Variants in WIPF2 observed in about 807,000 individuals in gnomAD.
WIPF2 encodes the protein WAS/WASL-interacting protein family member 2.
Under a neutral mutation model 38.8 loss-of-function variants are expected in WIPF2, and 23 were observed. The observed-to-expected ratio is 0.59, with a 90% CI of 0.43 to 0.84. WIPF2 has a LOEUF of 0.84. Among genes scored for constraint, WIPF2 ranks in the 40% least tolerant of loss-of-function variants. WIPF2 has a pLI of 0.00. For missense variants in WIPF2, 574 were observed against 580.5 expected (o/e 0.99, Z 0.11); for synonymous variants, 210 against 223.2 (o/e 0.94, Z 0.53).
intron 1 of WIPF2, among the ~76,000 whole-genome samples, chr17:40,254,461 G>A (rs949163512): frequency 4.6e-5 from 7 of 152,000 alleles, no homozygotes; most frequent in African/African-American, 1.7e-4. Context: ...TTTGGGGGGA[G>A]GGGGTCAAAA....
chr17:40,233,757 C>T (rs1448902665), intron 1 of WIPF2, among the ~76,000 whole-genome samples: 7 of 150,562 alleles, frequency 4.6e-5, no homozygotes, highest in Non-Finnish European at 7.4e-5. Flanking sequence ...GGTGAAACCC[C>T]GTCTCTACTA....
intron 1 of WIPF2, among the ~76,000 whole-genome samples, chr17:40,240,840 G>C (rs2031164147): frequency 6.6e-6 from 1 of 151,480 alleles, no homozygotes; most frequent in Non-Finnish European, 1.5e-5. Context: ...AGCTACTCGG[G>C]AGGCTGAGGC....
intron 5 of WIPF2, 54 bp from the exon 6 acceptor site, chr17:40,273,736 C>T: frequency 8.8e-7 from 1 of 1,133,420 alleles, no homozygotes; most frequent in South Asian, 1.2e-5. Flanking sequence ...TCAAGTCATT[C>T]TACCCCTTGC....
chr17:40,241,471 T>C (rs2031188753), intron 1 of WIPF2, among the ~76,000 whole-genome samples: 1 of 152,234 alleles, frequency 6.6e-6, no homozygotes, highest in South Asian at 2.1e-4. Context: ...CATGTGTGTC[T>C]TTCCTCTGAT....
chr17:40,253,759 T>A (rs1598484865), intron 1 of WIPF2, among the ~76,000 whole-genome samples: 2 of 152,170 alleles, frequency 1.3e-5, no homozygotes, highest in South Asian at 4.1e-4. Context: ...ATAGCTCTGT[T>A]GGGCAGCCAG....
chr17:40,258,076 G>A (rs900617502), intron 2 of WIPF2, among the ~76,000 whole-genome samples: 2 of 152,158 alleles, frequency 1.3e-5, no homozygotes, highest in Non-Finnish European at 2.9e-5. Flanking sequence ...GAAGTTTTGT[G>A]TGGAAGCCCA....
At chr17:40,230,533 T>C (rs1002828925) in intron 1 of WIPF2, among the ~76,000 whole-genome samples, 1 of 152,306 alleles carries the variant, frequency 6.6e-6, no homozygotes, top group African/African-American at 2.4e-5. Flanking sequence ...TCTTTTAGTC[T>C]TGATTTCTCA....
chr17:40,226,397 A>G (rs1285143903), intron 1 of WIPF2, among the ~76,000 whole-genome samples: 1 of 147,762 alleles, frequency 6.8e-6, no homozygotes, highest in Admixed American at 6.8e-5. Flanking sequence ...TTGTATTTTT[A>G]GTAGAGACGG....
At chr17:40,262,375 A>G in intron 3 of WIPF2, 150 bp from the exon 4 acceptor site, 1 of 592,332 alleles carries the variant, frequency 1.7e-6, no homozygotes. Context: ...GAGCCACTGT[A>G]CCAGGCCTGC....
At chr17:40,269,715 C>T (rs2032193158) in intron 5 of WIPF2, among the ~76,000 whole-genome samples, 1 of 149,274 alleles carries the variant, frequency 6.7e-6, no homozygotes, top group African/African-American at 2.5e-5. Flanking sequence ...CGCCATTCTC[C>T]TGCCTCAGCC....
At chr17:40,238,117 A>G (rs2031048717) in intron 1 of WIPF2, among the ~76,000 whole-genome samples, 1 of 151,196 alleles carries the variant, frequency 6.6e-6, no homozygotes, top group South Asian at 2.1e-4. Context: ...TTGGCCTCCC[A>G]ACGTGCTGGG....
intron 1 of WIPF2, among the ~76,000 whole-genome samples, chr17:40,222,787 C>T (rs2030308369): frequency 7.0e-6 from 1 of 143,650 alleles, no homozygotes; most frequent in Admixed American, 7.2e-5. Context: ...TCTCCTGCCT[C>T]AGTCCCCCAA....
chr17:40,236,555 C>T lies in WIPF2; in HGVS notation c.-70+17063C>T, dbSNP rs188448549. On this transcript the variant is annotated intron_variant, in intron 1 of 7. Transcript: ENST00000323571. ...TCCTGGCCTCAACCGATCCTCCTGG[C>T]TTGGCCTCCCAAAGTGCTGGGATTA... is the stretch of plus-strand genomic sequence containing the variant. 1.8e-3 allele frequency among the ~76,000 whole-genome samples: 266 copies of T among 151,254 alleles called. 4 individuals are homozygous for T. Among genetic ancestry groups the T allele is most frequent in the African/African-American group, 6.1e-3 (250 of 41,230 alleles).
At chr17:40,258,507 G>C (rs978599526) in intron 2 of WIPF2, among the ~76,000 whole-genome samples, 1 of 152,076 alleles carries the variant, frequency 6.6e-6, no homozygotes, top group Non-Finnish European at 1.5e-5. Flanking sequence ...CAGGAGAATC[G>C]CTTGAACCAG....
chr17:40,226,529 C>T (rs1386174876), intron 1 of WIPF2, among the ~76,000 whole-genome samples: 2 of 151,422 alleles, frequency 1.3e-5, no homozygotes. Context: ...GAATTTTCTT[C>T]TAAGGTAGTA....
At chr17:40,242,582 A>G (rs2031229033) in intron 1 of WIPF2, among the ~76,000 whole-genome samples, 1 of 152,070 alleles carries the variant, frequency 6.6e-6, no homozygotes. Flanking sequence ...TTGTATTTTT[A>G]GTACAGACGG....
chr17:40,274,654 A>G (rs2032342373), intron 6 of WIPF2, among the ~76,000 whole-genome samples: 2 of 151,292 alleles, frequency 1.3e-5, no homozygotes, highest in South Asian at 4.2e-4. Flanking sequence ...ATATTAAAGA[A>G]AAAAGGATTG....
chr17:40,263,551 C>G (rs1372596262), intron 4 of WIPF2, among the ~76,000 whole-genome samples: 3 of 134,912 alleles, frequency 2.2e-5, no homozygotes, highest in South Asian at 2.6e-4. Flanking sequence ...ATTCGTCCCC[C>G]CCCCCCCCGC....
chr17:40,221,443 A>T (rs1003935958), intron 1 of WIPF2, among the ~76,000 whole-genome samples: 3 of 151,876 alleles, frequency 2.0e-5, no homozygotes, highest in African/African-American at 7.3e-5. Context: ...TGAGATATTG[A>T]TATTTAAAAG....
Sources: gnomAD v4.1 joint callset for allele counts (sites outside exome capture counted in the v4.1 genomes callset) on GRCh38, gnomAD v4.1.1 for gene constraint, MANE v1.5 for transcripts, NCBI Gene and HGNC (gene_info 2026-07-23, HGNC 2026-07-21) for gene names.